NCKAP5: variants seen among roughly 807,000 people sequenced by gnomAD.
NCKAP5 encodes NCK associated protein 5, also known as nck-associated protein 5.
NCKAP5 carries 92 observed loss-of-function variants against 167.0 expected under a neutral mutation model. The ratio of observed to expected loss-of-function variants is 0.55; its 90% CI spans 0.47 to 0.66. The LOEUF is 0.66. Ranked by LOEUF, NCKAP5 falls within the 30% of genes least tolerant of loss-of-function variation. The pLI is 0.00. For missense variants in NCKAP5, 2,378 were observed against 2,315.0 expected, an observed-to-expected ratio of 1.03 and a Z score of -0.56; for synonymous variants, 891 against 877.4, an observed-to-expected ratio of 1.02 and a Z score of -0.27.
At chr2:133,498,479 G>GC (rs1486807967) in intron 3 of NCKAP5, among the ~76,000 whole-genome samples, 116 of 136,126 alleles carry the variant, frequency 8.5e-4, no homozygotes, top group Admixed American at 2.0e-3. Context: ...AGGAAGGAAG[G>GC]AAGGCAGGCA....
At chr2:133,581,646 C>G in the NCKAP5 span, among the ~76,000 whole-genome samples, 1 of 152,136 alleles carries the variant, frequency 6.6e-6, no homozygotes, top group East Asian at 1.9e-4. Context: ...GCTCACTGAC[C>G]ACAGTGAGGT....
intron 2 of NCKAP5, 79 bp from the exon 3 acceptor site, chr2:133,517,666 A>G (rs748484270): frequency 2.2e-6 from 1 of 449,572 alleles, no homozygotes; most frequent in Non-Finnish European, 3.8e-6. Context: ...AACCAGAAAC[A>G]AGCATTGAAG....
chr2:133,647,626 G>C, the NCKAP5 span, among the ~76,000 whole-genome samples: 2 of 138,806 alleles, frequency 1.4e-5, no homozygotes, highest in South Asian at 2.6e-4. Context: ...CAGAAAGATA[G>C]AAGGAAGGAA....
chr2:133,603,789 G>A, the NCKAP5 span, among the ~76,000 whole-genome samples: 32,148 of 148,144 alleles, frequency 0.22, 4,062 homozygotes, highest in Non-Finnish European at 0.29. Flanking sequence ...CACCTGCCTC[G>A]GCCTCCCAAA....
At chr2:133,527,216 T>C (rs1310052958) in intron 2 of NCKAP5, 1 of 152,166 alleles carries the variant, frequency 6.6e-6, no homozygotes, top group Non-Finnish European at 1.5e-5. Context: ...TTAAGAAAAC[T>C]GTTTATGAAA....
chr2:133,247,709 C>G (rs921407362), intron 4 of NCKAP5, among the ~76,000 whole-genome samples: 17 of 152,118 alleles, frequency 1.1e-4, no homozygotes, highest in African/African-American at 3.9e-4. Context: ...CCTGGCAACC[C>G]GGAAGTAGGC....
intron 3 of NCKAP5, among the ~76,000 whole-genome samples, chr2:133,357,452 C>A (rs1485073837): frequency 1.3e-5 from 2 of 151,690 alleles, no homozygotes; most frequent in Admixed American, 1.3e-4. Context: ...TAAATCAGTC[C>A]CAAAAATTAG....
At chr2:132,950,929 G>A (rs1413890001) in intron 8 of NCKAP5, among the ~76,000 whole-genome samples, 1 of 152,094 alleles carries the variant, frequency 6.6e-6, no homozygotes, top group African/African-American at 2.4e-5. Context: ...AAAAAAAAAT[G>A]ATGTCACAGG....
intron 6 of NCKAP5, among the ~76,000 whole-genome samples, chr2:133,029,652 G>A (rs541888186): frequency 6.6e-6 from 1 of 152,226 alleles, no homozygotes; most frequent in Admixed American, 6.5e-5. Flanking sequence ...ATTTTTATAA[G>A]TATCTATTAC....
chr2:133,510,755 G>T (rs544242226), intron 3 of NCKAP5, among the ~76,000 whole-genome samples: 68 of 152,328 alleles, frequency 4.5e-4, no homozygotes, highest in African/African-American at 1.6e-3. Flanking sequence ...CTTCAGAGCT[G>T]TTAGCTGTGC....
At chr2:133,244,279 T>C (rs2087868009) in intron 4 of NCKAP5, among the ~76,000 whole-genome samples, 1 of 152,224 alleles carries the variant, frequency 6.6e-6, no homozygotes, top group African/African-American at 2.4e-5. Context: ...CCTTGTAATC[T>C]ATCTCTTTGT....
At chr2:133,392,517 C>T (rs1329759048) in intron 3 of NCKAP5, among the ~76,000 whole-genome samples, 4 of 152,148 alleles carry the variant, frequency 2.6e-5, no homozygotes, top group African/African-American at 9.7e-5. Flanking sequence ...CTGTATTCCC[C>T]ATAGATGGTG....
rs530290124 is a variant in NCKAP5 at position 132,785,190 on chromosome 2, C to T, written c.1621G>A (p.Ala541Thr). 2.0e-5 allele frequency: 31 copies of T among 1,579,574 alleles called. 1 individual carries two copies. The highest frequency in any genetic ancestry group is 5.9e-5 in the South Asian group (5 of 85,218). The change falls in exon 14 of 20, where the codon GCC (alanine) becomes ACC (threonine). Residue 541 changes from alanine (A) to threonine (T), a missense_variant. Ala to Thr is a moderately conservative substitution (Grantham distance 58, BLOSUM62 0). Coordinates refer to ENST00000409261, the MANE Select transcript of NCKAP5 (RefSeq NM_207363.3). ...KERPEKLTSC[A>T]SSCPLEMKLC... ...TTCATCTCTAAGGGACAGCTGCTGG[C>T]GCAACTTGTCAGCTTTTCAGGCCTT...
chr2:132,826,257 GA>G (rs1687117078), intron 11 of NCKAP5, among the ~76,000 whole-genome samples: 1 of 152,142 alleles, frequency 6.6e-6, no homozygotes, highest in Non-Finnish European at 1.5e-5. Flanking sequence ...CCCTTTTAAA[GA>G]TTTCAGTGGA....
At chr2:133,513,410 T>C (rs776256056) in intron 3 of NCKAP5, among the ~76,000 whole-genome samples, 5 of 152,218 alleles carry the variant, frequency 3.3e-5, no homozygotes, top group Admixed American at 6.5e-5. Flanking sequence ...TAGGACCTCT[T>C]TCTCCCATTG....
At chr2:133,142,425 G>A (rs976537271) in intron 5 of NCKAP5, among the ~76,000 whole-genome samples, 1 of 152,126 alleles carries the variant, frequency 6.6e-6, no homozygotes, top group Non-Finnish European at 1.5e-5. Context: ...CAGAAGAAAC[G>A]CTTACATCAT....
chr2:132,702,129 C>T (rs1321870343), intron 19 of NCKAP5, among the ~76,000 whole-genome samples: 1 of 152,166 alleles, frequency 6.6e-6, no homozygotes, highest in African/African-American at 2.4e-5. Flanking sequence ...AATACATTTA[C>T]TCCCATCCAG....
At chr2:133,054,161 A>C (rs1000387608) in intron 6 of NCKAP5, among the ~76,000 whole-genome samples, 2 of 152,212 alleles carry the variant, frequency 1.3e-5, no homozygotes, top group Non-Finnish European at 2.9e-5. Flanking sequence ...ATTATACACT[A>C]ATTCTAAAAT....
chr2:133,657,756 C>A, the NCKAP5 span, among the ~76,000 whole-genome samples: 1 of 152,100 alleles, frequency 6.6e-6, no homozygotes, highest in Admixed American at 6.6e-5. Context: ...GACCTGCGGG[C>A]GTCACGAACT....
Sources: allele counts gnomAD v4.1 joint callset (sites outside exome capture counted in the v4.1 genomes callset), GRCh38; gene constraint gnomAD v4.1.1; transcripts MANE v1.5; gene names NCBI Gene and HGNC (gene_info 2026-07-23, HGNC 2026-07-21).